KCNB2: variants seen among roughly 807,000 people sequenced by gnomAD.
KCNB2 encodes delayed rectifier potassium channel protein.
A neutral mutation model predicts 61.5 loss-of-function variants in KCNB2; 15 were observed. The ratio of observed to expected loss-of-function variants is 0.24; its 90% CI spans 0.16 to 0.38. The LOEUF is 0.38. Ranked by LOEUF, KCNB2 falls within the 10% of genes least tolerant of loss-of-function variation. KCNB2 has a pLI of 1.00. For synonymous variants in KCNB2, 457 were observed against 446.0 expected, an observed-to-expected ratio of 1.02 and a Z score of -0.31; for missense variants, 828 against 1,125.2, an observed-to-expected ratio of 0.74 and a Z score of 3.78.
intron 2 of KCNB2, among the ~76,000 whole-genome samples, chr8:72,866,492 A>G (rs546142665): frequency 1.3e-5 from 2 of 152,326 alleles, no homozygotes; most frequent in East Asian, 3.9e-4. Context: ...GGTACAAGAT[A>G]GGCACACACA....
At chr8:72,935,301 C>T (rs1806875815) in intron 2 of KCNB2, among the ~76,000 whole-genome samples, 1 of 152,154 alleles carries the variant, frequency 6.6e-6, no homozygotes, top group Non-Finnish European at 1.5e-5. Context: ...TTTATGAAAC[C>T]TTCCTGCACT....
At chr8:72,891,074 A>T (rs971273011) in intron 2 of KCNB2, among the ~76,000 whole-genome samples, 1 of 152,196 alleles carries the variant, frequency 6.6e-6, no homozygotes, top group Admixed American at 6.5e-5. Context: ...AGTGGCCAAG[A>T]TCATTGCCTC....
intron 1 of KCNB2, among the ~76,000 whole-genome samples, chr8:72,557,871 A>G (rs1806452599): frequency 6.6e-6 from 1 of 152,224 alleles, no homozygotes; most frequent in African/African-American, 2.4e-5. Context: ...ACCTAGTTCC[A>G]GGAAATCCAG....
chr8:72,860,468 GTATTAAAGCC>G (rs1160802199), intron 2 of KCNB2, among the ~76,000 whole-genome samples: 2 of 152,154 alleles, frequency 1.3e-5, no homozygotes, highest in African/African-American at 4.8e-5. Context: ...CTAGTCATTT[GTATTAAAGCC>G]TGTTTAAAAG....
intron 2 of KCNB2, among the ~76,000 whole-genome samples, chr8:72,934,664 T>C (rs1806866578): frequency 6.6e-6 from 1 of 152,066 alleles, no homozygotes; most frequent in African/African-American, 2.4e-5. Flanking sequence ...TTTTTCTCAG[T>C]GCTACATATG....
chr8:72,903,599 A>T (rs1806123152), intron 2 of KCNB2, among the ~76,000 whole-genome samples: 1 of 152,182 alleles, frequency 6.6e-6, no homozygotes, highest in Non-Finnish European at 1.5e-5. Context: ...ATAAATAAAT[A>T]AAATAAATGA....
chr8:72,932,495 C>T (rs1806806859), intron 2 of KCNB2, among the ~76,000 whole-genome samples: 1 of 152,050 alleles, frequency 6.6e-6, no homozygotes, highest in South Asian at 2.1e-4. Flanking sequence ...TTGTGAAGAC[C>T]TGGGGAGTTT....
At chr8:72,580,622 G>C (rs1027972433) in intron 2 of KCNB2, among the ~76,000 whole-genome samples, 2 of 152,072 alleles carry the variant, frequency 1.3e-5, no homozygotes, top group Non-Finnish European at 2.9e-5. Context: ...GTCTGTCTTT[G>C]GGATCTTGAA....
chr8:72,719,268 A>C (rs1402941739), intron 2 of KCNB2, among the ~76,000 whole-genome samples: 1 of 152,156 alleles, frequency 6.6e-6, no homozygotes, highest in Non-Finnish European at 1.5e-5. Flanking sequence ...GGAAAAACTC[A>C]GCTCCCATTA....
chr8:72,799,844 G>C (rs1809093674), intron 2 of KCNB2, among the ~76,000 whole-genome samples: 1 of 152,160 alleles, frequency 6.6e-6, no homozygotes, highest in Non-Finnish European at 1.5e-5. Flanking sequence ...TCTAGGAAGA[G>C]GCTGTGTTCA....
chr8:72,900,509 A>T (rs1159318326), intron 2 of KCNB2, among the ~76,000 whole-genome samples: 1 of 152,210 alleles, frequency 6.6e-6, no homozygotes, highest in Non-Finnish European at 1.5e-5. Flanking sequence ...ACTTAATTAA[A>T]CTAAAGAGCT....
At chr8:72,901,950 G>C (rs897766070) in intron 2 of KCNB2, among the ~76,000 whole-genome samples, 10 of 152,140 alleles carry the variant, frequency 6.6e-5, no homozygotes, top group African/African-American at 2.4e-4. Flanking sequence ...GGTTTGAGCT[G>C]ATGTCTTGAG....
chr8:72,929,980 T>C (rs1806744251), intron 2 of KCNB2, among the ~76,000 whole-genome samples: 1 of 124,010 alleles, frequency 8.1e-6, no homozygotes, highest in Admixed American at 1.0e-4. Flanking sequence ...CCCCAGTGTG[T>C]GATATCCCCC....
At chr8:72,767,447 T>C (rs1325328431) in intron 2 of KCNB2, among the ~76,000 whole-genome samples, 1 of 152,234 alleles carries the variant, frequency 6.6e-6, no homozygotes, top group Non-Finnish European at 1.5e-5. Flanking sequence ...AGGTGACCAC[T>C]AATCTGTTTC....
chr8:72,561,457 G>T (rs1806509823), intron 1 of KCNB2, among the ~76,000 whole-genome samples: 1 of 150,966 alleles, frequency 6.6e-6, no homozygotes, highest in African/African-American at 2.4e-5. Context: ...GTATATAGTT[G>T]TGCTAAATTT....
chr8:72,836,747 T>TA (rs1391346660), intron 2 of KCNB2, among the ~76,000 whole-genome samples: 4 of 151,910 alleles, frequency 2.6e-5, no homozygotes, highest in African/African-American at 9.7e-5. Context: ...CCTGTCTCTA[T>TA]AAAAAATATA....
chr8:72,931,456 T>C (rs6987550), intron 2 of KCNB2, among the ~76,000 whole-genome samples: 7,518 of 152,262 alleles, frequency 0.049, 584 homozygotes, highest in African/African-American at 0.17. Flanking sequence ...CATTTGTTTG[T>C]GTCCTCTTTT....
chr8:72,790,170 A>G (rs1011694613), intron 2 of KCNB2, among the ~76,000 whole-genome samples: 2 of 152,198 alleles, frequency 1.3e-5, no homozygotes, highest in Non-Finnish European at 2.9e-5. Context: ...CAGGGAAAGA[A>G]GTCAGGGCTG....
chr8:72,788,006 T>C (rs1808870909), intron 2 of KCNB2, among the ~76,000 whole-genome samples: 1 of 152,180 alleles, frequency 6.6e-6, no homozygotes, highest in Non-Finnish European at 1.5e-5. Context: ...ACTCTGATTT[T>C]CTATGTCACT....
Sources: allele counts gnomAD v4.1 joint callset (sites outside exome capture counted in the v4.1 genomes callset), GRCh38; gene constraint gnomAD v4.1.1; transcripts MANE v1.5; gene names NCBI Gene and HGNC (gene_info 2026-07-23, HGNC 2026-07-21).